Variants in SNX29 observed in about 807,000 individuals in gnomAD.
The protein encoded by SNX29 is sorting nexin 29.
A neutral mutation model predicts 102.1 loss-of-function variants in SNX29; 78 were observed. That is an observed-to-expected ratio of 0.76 (90% confidence interval 0.64 to 0.92). The LOEUF (loss-of-function observed/expected upper bound fraction) is 0.92, where lower values mean the gene tolerates loss of function less well. Ranked by LOEUF, SNX29 falls within the 40% of genes least tolerant of loss-of-function variation. The pLI, the probability that SNX29 is intolerant of heterozygous loss-of-function variation, is 0.00. For missense variants in SNX29, 1,280 were observed against 1,061.7 expected (o/e 1.21, Z -2.86); for synonymous variants, 580 against 414.5 (o/e 1.40, Z -4.85).
At chr16:12,176,932 C>G (rs1015104675) in intron 13 of SNX29, among the ~76,000 whole-genome samples, 1 of 151,208 alleles carries the variant, frequency 6.6e-6, no homozygotes, top group East Asian at 1.9e-4. Context: ...TCGGGCTGTT[C>G]AGGGTTTTTT....
intron 20 of SNX29, among the ~76,000 whole-genome samples, chr16:12,541,304 T>C (rs533158660): frequency 1.3e-5 from 2 of 152,264 alleles, no homozygotes; most frequent in African/African-American, 4.8e-5. Context: ...GTGGGGATGG[T>C]CAGCCCTGAT....
rs958562919 is a variant in SNX29, at chr16:12,152,517, C to A, written c.1595+22759C>A. 2.6e-5 allele frequency among the ~76,000 whole-genome samples: 4 copies of A among 152,212 alleles called. No homozygotes were observed. In the East Asian group the frequency reaches 7.7e-4, roughly 29 times the overall value. ...CCCTGCCCTATCTTAGCTCTGTAAC[C>A]TGGAACGCGTTGCTTTCCTTCTCTG... On this transcript the variant is annotated intron_variant, in intron 13 of 20. Coordinates refer to ENST00000566228, the MANE Select transcript of SNX29 (RefSeq NM_032167.5).
intron 13 of SNX29, among the ~76,000 whole-genome samples, chr16:12,191,379 C>T (rs1472471962): frequency 6.6e-6 from 1 of 152,206 alleles, no homozygotes; most frequent in Non-Finnish European, 1.5e-5. Flanking sequence ...AGTCCCAGCT[C>T]TGCCACTTGT....
At chr16:12,525,381 T>G (rs7203787) in intron 20 of SNX29, among the ~76,000 whole-genome samples, 53,720 of 151,946 alleles carry the variant, frequency 0.35, 10,775 homozygotes, top group East Asian at 0.7. Context: ...TAGAAAATCA[T>G]TACACTTCAG....
intron 5 of SNX29, among the ~76,000 whole-genome samples, chr16:12,046,066 G>A (rs555416354): frequency 8.5e-5 from 13 of 152,324 alleles, no homozygotes; most frequent in African/African-American, 2.6e-4. Flanking sequence ...TCTTGGGGAC[G>A]TTGCTTGAGT....
intron 18 of SNX29, among the ~76,000 whole-genome samples, chr16:12,433,596 A>C (rs924221800): frequency 6.8e-6 from 1 of 146,622 alleles, no homozygotes; most frequent in Admixed American, 7.0e-5. Flanking sequence ...ATGCCACTGC[A>C]CTCCAGCCTG....
intron 18 of SNX29, among the ~76,000 whole-genome samples, chr16:12,439,097 A>G (rs2085676495): frequency 6.6e-6 from 1 of 152,210 alleles, no homozygotes; most frequent in Admixed American, 6.5e-5. Context: ...AGCCTCCCTC[A>G]TCAGTGAAGC....
At chr16:12,284,653 C>A (rs973550680) in intron 15 of SNX29, among the ~76,000 whole-genome samples, 1 of 152,150 alleles carries the variant, frequency 6.6e-6, no homozygotes, top group African/African-American at 2.4e-5. Flanking sequence ...AGACTAATAG[C>A]AATGAGTCTG....
At chr16:12,528,622 C>T (rs941836257) in intron 20 of SNX29, among the ~76,000 whole-genome samples, 1 of 152,212 alleles carries the variant, frequency 6.6e-6, no homozygotes, top group Admixed American at 6.5e-5. Context: ...GAGCCAGCAT[C>T]CCCTCCATGC....
chr16:12,424,980 C>G (rs116550388), intron 18 of SNX29, among the ~76,000 whole-genome samples: 1,716 of 152,330 alleles, frequency 0.011, 38 homozygotes, highest in African/African-American at 0.036. Context: ...TACATTCACA[C>G]AGTGGAACCT....
rs1292057084 is a variant in SNX29 at position 12,345,875 on chromosome 16, A to C, written c.1783-10288A>C. Among the ~76,000 whole-genome samples the C allele has an allele frequency of 3.3e-5, 5 of 152,200 alleles. No individual in the cohort carries two copies. The East Asian group carries it at 9.7e-4, about 29-fold the overall frequency. On this transcript the variant is annotated intron_variant, in intron 15 of 20. Transcript: ENST00000566228. ...GAAAATTAGTGGAAAGCCATTGAAG[A>C]ATTTTTTTTTAAGTTTGGATTGTGG...
chr16:12,521,641 A>G (rs1199339393), intron 19 of SNX29, among the ~76,000 whole-genome samples: 1 of 152,200 alleles, frequency 6.6e-6, no homozygotes, highest in African/African-American at 2.4e-5. Flanking sequence ...AGCAGAGTCT[A>G]TCAAGCTGCC....
chr16:12,342,426 C>A (rs1596996707), intron 15 of SNX29, among the ~76,000 whole-genome samples: 1 of 152,132 alleles, frequency 6.6e-6, no homozygotes, highest in African/African-American at 2.4e-5. Flanking sequence ...CAATGGCTGC[C>A]CCGTTCATGG....
chr16:12,146,449 A>G (rs2055069431), intron 13 of SNX29, among the ~76,000 whole-genome samples: 1 of 152,162 alleles, frequency 6.6e-6, no homozygotes, highest in South Asian at 2.1e-4. Context: ...TATTTTTAAT[A>G]GAGATGGGGT....
At chr16:12,130,125 C>G (rs901465702) in intron 13 of SNX29, among the ~76,000 whole-genome samples, 1 of 145,624 alleles carries the variant, frequency 6.9e-6, no homozygotes, top group Non-Finnish European at 1.5e-5. Flanking sequence ...CAAACAACAA[C>G]CAACCAAACA....
chr16:12,471,079 G>C (rs577557696), intron 18 of SNX29, among the ~76,000 whole-genome samples: 92 of 152,282 alleles, frequency 6.0e-4, no homozygotes, highest in Admixed American at 1.6e-3. Context: ...GCCTCTTGCA[G>C]GAGCACCCGA....
At chr16:12,536,740 G>T (rs569453018) in intron 20 of SNX29, among the ~76,000 whole-genome samples, 1 of 152,182 alleles carries the variant, frequency 6.6e-6, no homozygotes, top group Non-Finnish European at 1.5e-5. Context: ...CACTTTGGGA[G>T]GTCAAGGCAG....
At chr16:12,394,243 C>G (rs112889108) in intron 16 of SNX29, among the ~76,000 whole-genome samples, 1 of 152,202 alleles carries the variant, frequency 6.6e-6, no homozygotes, top group East Asian at 1.9e-4. Flanking sequence ...GGTCCGTTTA[C>G]CAGCTAAGGC....
intron 13 of SNX29, among the ~76,000 whole-genome samples, chr16:12,164,680 C>CTT (rs34046413): frequency 0.024 from 2,172 of 90,534 alleles, 149 homozygotes; most frequent in African/African-American, 0.079. Context: ...TTATTCATGC[C>CTT]TTTTTTTTTT....
Sources: gnomAD v4.1 joint callset for allele counts (sites outside exome capture counted in the v4.1 genomes callset) on GRCh38, gnomAD v4.1.1 for gene constraint, MANE v1.5 for transcripts, NCBI Gene and HGNC (gene_info 2026-07-23, HGNC 2026-07-21) for gene names.